The following HECW1 variants were observed in gnomAD, a reference collection of about 807,000 sequenced individuals.
HECW1 encodes HECT, C2 and WW domain containing E3 ubiquitin protein ligase 1.
A neutral mutation model predicts 182.3 loss-of-function variants in HECW1; 61 were observed. The observed-to-expected ratio is 0.33, with a 90% CI of 0.27 to 0.41. The LOEUF is 0.41. Among genes scored for constraint, HECW1 ranks in the 10% least tolerant of loss-of-function variants. The pLI is 1.00. For missense variants in HECW1, 1,739 were observed against 2,108.9 expected (o/e 0.82, Z 3.44); for synonymous variants, 859 against 832.6 (o/e 1.03, Z -0.55).
chr7:43,322,499 A>G (rs1190761281), intron 5 of HECW1, among the ~76,000 whole-genome samples: 7 of 152,146 alleles, frequency 4.6e-5, no homozygotes. Context: ...CATCAGCTGC[A>G]ATCTCTCTGC....
chr7:43,474,552 G>A (rs1404555155), intron 16 of HECW1, among the ~76,000 whole-genome samples: 1 of 152,056 alleles, frequency 6.6e-6, no homozygotes, highest in Non-Finnish European at 1.5e-5. Context: ...TGTACCTTAT[G>A]AGCCAAATAA....
At chr7:43,393,541 A>T (rs1027117397) in intron 6 of HECW1, among the ~76,000 whole-genome samples, 1 of 152,178 alleles carries the variant, frequency 6.6e-6, no homozygotes, top group Admixed American at 6.5e-5. Context: ...TTGTATCATC[A>T]GTGTGGTGCT....
At chr7:43,421,889 G>A (rs1421319035) in intron 8 of HECW1, among the ~76,000 whole-genome samples, 3 of 152,204 alleles carry the variant, frequency 2.0e-5, no homozygotes, top group Non-Finnish European at 2.9e-5. Context: ...GGTGGGAAAC[G>A]AGGAAGCCTG....
At chr7:43,360,817 C>A in intron 5 of HECW1, 69 bp from the exon 6 acceptor site, 1 of 1,128,634 alleles carries the variant, frequency 8.9e-7, no homozygotes, top group Non-Finnish European at 1.4e-6. Context: ...GAGATGTCCT[C>A]TGTGGCCATA....
At chr7:43,494,737 C>T (rs1332788999) in intron 19 of HECW1, among the ~76,000 whole-genome samples, 1 of 152,182 alleles carries the variant, frequency 6.6e-6, no homozygotes, top group Admixed American at 6.5e-5. Flanking sequence ...TGGTCTCAAA[C>T]TCCTGACCTC....
At chr7:43,401,569 T>TTTG (rs1041779128) in intron 7 of HECW1, among the ~76,000 whole-genome samples, 4 of 103,856 alleles carry the variant, frequency 3.9e-5, no homozygotes, top group Non-Finnish European at 6.4e-5. Flanking sequence ...TTAAAAAGGT[T>TTTG]TTTTTTTTTT....
chr7:43,430,498 T>G (rs887214390), intron 8 of HECW1, among the ~76,000 whole-genome samples: 1 of 152,226 alleles, frequency 6.6e-6, no homozygotes, highest in Non-Finnish European at 1.5e-5. Flanking sequence ...CAACACAGTT[T>G]ATAAAGCATA....
At chr7:43,538,408 A>G (rs560606948) in intron 24 of HECW1, among the ~76,000 whole-genome samples, 7 of 152,324 alleles carry the variant, frequency 4.6e-5, no homozygotes, top group Admixed American at 2.6e-4. Flanking sequence ...AATTAGCACA[A>G]GAGATGTTGG....
At chr7:43,213,437 G>C (rs926499181) in intron 2 of HECW1, among the ~76,000 whole-genome samples, 1 of 135,948 alleles carries the variant, frequency 7.4e-6, no homozygotes, top group East Asian at 2.1e-4. Flanking sequence ...GTGATCATAA[G>C]AATTTTTTTT....
At chr7:43,436,056 C>T (rs34994648) in intron 8 of HECW1, among the ~76,000 whole-genome samples, 3 of 148,422 alleles carry the variant, frequency 2.0e-5, no homozygotes, top group African/African-American at 2.5e-5. Flanking sequence ...CCCAGCTACT[C>T]GGGAGGTTGA....
Position 43,419,738 on chromosome 7 carries a change from C to T in HECW1, c.801+12007C>T, listed in dbSNP as rs536993229. On this transcript the variant is annotated intron_variant, in intron 8 of 29. Transcript: ENST00000395891. ...GTTAGAAATGCTTGTTTCCCAATGC[C>T]GTAAAGAAATAGCATTTGAATATAA... is the stretch of plus-strand genomic sequence containing the variant. Among the ~76,000 whole-genome samples the T allele has an allele frequency of 2.6e-5, 4 of 152,206 alleles. No homozygotes were observed. The East Asian group carries it at 5.8e-4, about 22-fold the overall frequency.
chr7:43,482,130 C>T (rs2078462432), intron 17 of HECW1, among the ~76,000 whole-genome samples: 1 of 152,194 alleles, frequency 6.6e-6, no homozygotes, highest in Non-Finnish European at 1.5e-5. Context: ...CATCCTCTCT[C>T]TTCTGGTAGC....
intron 2 of HECW1, among the ~76,000 whole-genome samples, chr7:43,231,820 T>A (rs188873155): frequency 0.02 from 2,966 of 151,100 alleles, 101 homozygotes; most frequent in African/African-American, 0.068. Flanking sequence ...ATTGAGACCA[T>A]CCTGGCTAAC....
At chr7:43,182,462 G>A (rs773643095) in intron 2 of HECW1, among the ~76,000 whole-genome samples, 1 of 152,194 alleles carries the variant, frequency 6.6e-6, no homozygotes, top group Non-Finnish European at 1.5e-5. Flanking sequence ...TCAGTTGGCT[G>A]TAGATGTGTG....
chr7:43,352,643 A>G (rs998055412), intron 5 of HECW1, among the ~76,000 whole-genome samples: 2 of 152,184 alleles, frequency 1.3e-5, no homozygotes, highest in East Asian at 3.8e-4. Flanking sequence ...TTTTCCTTAG[A>G]TGTAAAATAA....
intron 3 of HECW1, among the ~76,000 whole-genome samples, chr7:43,299,574 C>G (rs1430580468): frequency 6.6e-6 from 1 of 152,178 alleles, no homozygotes; most frequent in African/African-American, 2.4e-5. Flanking sequence ...CAATTGTTGT[C>G]CCTTCCTTTT....
intron 5 of HECW1, among the ~76,000 whole-genome samples, chr7:43,326,664 C>G (rs1478235974): frequency 6.6e-6 from 1 of 152,174 alleles, no homozygotes; most frequent in Non-Finnish European, 1.5e-5. Flanking sequence ...ATCGTACATC[C>G]ACCTTTTATT....
intron 13 of HECW1, 145 bp downstream of exon 13, chr7:43,456,592 G>A: frequency 1.4e-6 from 1 of 730,288 alleles, no homozygotes; most frequent in South Asian, 4.1e-5. Context: ...GTTCCTAGTA[G>A]GTATTTGGAA....
chr7:43,273,714 A>G (rs28704873), intron 3 of HECW1, among the ~76,000 whole-genome samples: 13,612 of 152,216 alleles, frequency 0.089, 1,823 homozygotes, highest in African/African-American at 0.29. Context: ...ATTTGACAAT[A>G]TAAAATGTTG....
Sources: allele counts gnomAD v4.1 joint callset (sites outside exome capture counted in the v4.1 genomes callset), GRCh38; gene constraint gnomAD v4.1.1; transcripts MANE v1.5; gene names NCBI Gene and HGNC (gene_info 2026-07-23, HGNC 2026-07-21).